Variants in LSAMP observed in about 807,000 individuals in gnomAD.
LSAMP encodes limbic system associated membrane protein, also known as limbic system-associated membrane protein.
Under a neutral mutation model 38.6 loss-of-function variants are expected in LSAMP, and 7 were observed. The ratio of observed to expected loss-of-function variants is 0.18; its 90% CI spans 0.10 to 0.34. The LOEUF is 0.34. Among genes scored for constraint, LSAMP ranks in the 10% least tolerant of loss-of-function variants. The pLI, the probability that LSAMP is intolerant of heterozygous loss-of-function variation, is 1.00. For missense variants in LSAMP, 313 were observed against 420.0 expected (o/e 0.75, Z 2.23); for synonymous variants, 154 against 166.8 (o/e 0.92, Z 0.59).
chr3:115,968,420 C>G (rs191227180), intron 3 of LSAMP, among the ~76,000 whole-genome samples: 7 of 152,078 alleles, frequency 4.6e-5, no homozygotes, highest in African/African-American at 7.2e-5. Context: ...ATAAATCCTG[C>G]TAGGACTGGG....
In LSAMP at chr3:116,273,689, T is replaced by G. The variant is rs921730678; in HGVS notation, c.155+171188A>C. 3.7e-4 allele frequency among the ~76,000 whole-genome samples: 45 copies of G among 121,458 alleles called. 9 individuals carry two copies. The highest frequency in any genetic ancestry group is 1.6e-3 in the African/African-American group (42 of 25,460). The allele number at this position is 121,458 out of a possible 152,430, so 79.7% of individuals were successfully genotyped here. ...CAAGAGAAAGAGAAAGAGGCATATA[T>G]ATATATATATATATATATACACACA... On this transcript the variant is annotated intron_variant, in intron 1 of 6. Coordinates refer to ENST00000490035, the MANE Select transcript of LSAMP (RefSeq NM_002338.5).
chr3:115,965,600 A>G (rs1009149094), intron 3 of LSAMP, among the ~76,000 whole-genome samples: 3 of 142,036 alleles, frequency 2.1e-5, no homozygotes, highest in Non-Finnish European at 4.5e-5. Context: ...AGATTTTTGT[A>G]TTTTAGGTTT....
intron 2 of LSAMP, chr3:116,051,300 G>C (rs1021342400): frequency 2.0e-5 from 3 of 152,176 alleles, no homozygotes; most frequent in African/African-American, 7.2e-5. Context: ...CAGGTTCCAT[G>C]TGACTCGTCA....
intron 1 of LSAMP, among the ~76,000 whole-genome samples, chr3:116,265,656 T>A (rs2046881788): frequency 6.6e-6 from 1 of 152,094 alleles, no homozygotes; most frequent in Non-Finnish European, 1.5e-5. Context: ...TGGTATATCA[T>A]CCTCCCCACC....
intron 1 of LSAMP, among the ~76,000 whole-genome samples, chr3:116,180,838 C>T (rs1167797657): frequency 2.6e-5 from 4 of 151,888 alleles, no homozygotes; most frequent in South Asian, 4.2e-4. Flanking sequence ...TTTTGCAGGC[C>T]GGTGCTGTGT....
intron 3 of LSAMP, among the ~76,000 whole-genome samples, chr3:115,878,797 TAACAAC>T (rs1225754774): frequency 6.6e-6 from 1 of 152,024 alleles, no homozygotes; most frequent in African/African-American, 2.4e-5. Context: ...GTAATAATAA[TAACAAC>T]AACAATGGTG....
chr3:115,984,767 T>TA (rs1559908491), intron 3 of LSAMP, among the ~76,000 whole-genome samples: 1 of 152,204 alleles, frequency 6.6e-6, no homozygotes, highest in East Asian at 1.9e-4. Flanking sequence ...TAAAGACTGT[T>TA]ACAGTAAAGT....
chr3:115,889,982 G>A (rs1359977189), intron 3 of LSAMP, among the ~76,000 whole-genome samples: 1 of 151,924 alleles, frequency 6.6e-6, no homozygotes, highest in Non-Finnish European at 1.5e-5. Flanking sequence ...TCTCCCATTT[G>A]TTATTGTTTG....
chr3:116,117,125 A>G (rs1708770743), intron 1 of LSAMP, among the ~76,000 whole-genome samples: 1 of 152,244 alleles, frequency 6.6e-6, no homozygotes, highest in African/African-American at 2.4e-5. Flanking sequence ...ACTTATATGG[A>G]CTATCACAGA....
chr3:116,175,535 G>A (rs1458623676), intron 1 of LSAMP, among the ~76,000 whole-genome samples: 2 of 151,940 alleles, frequency 1.3e-5, no homozygotes, highest in South Asian at 4.1e-4. Flanking sequence ...CCAGAGCAGT[G>A]CTGGGAAGCC....
At chr3:116,375,324 C>T (rs1434414187) in intron 1 of LSAMP, among the ~76,000 whole-genome samples, 1 of 151,836 alleles carries the variant, frequency 6.6e-6, no homozygotes, top group Admixed American at 6.6e-5. Flanking sequence ...TATTAAAAAA[C>T]AGGCAAACTA....
rs141195445 is a variant in LSAMP at position 115,913,968 on chromosome 3, A to C, written c.515-61351T>G. 2.0e-5 allele frequency among the ~76,000 whole-genome samples: 3 copies of C among 152,356 alleles called. No individual in the cohort carries two copies. In the East Asian group the frequency reaches 5.8e-4, roughly 29 times the overall value. On this transcript the variant is annotated intron_variant, in intron 3 of 6. Coordinates refer to ENST00000490035, the MANE Select transcript of LSAMP (RefSeq NM_002338.5). ...GAACTGTATTTTGTAAATCCAAAAG[A>C]ATAATTAAATCTTTAAAAAAATAAA...
intron 1 of LSAMP, among the ~76,000 whole-genome samples, chr3:116,396,152 A>G (rs1428127631): frequency 6.6e-6 from 1 of 152,180 alleles, no homozygotes; most frequent in East Asian, 1.9e-4. Flanking sequence ...TACCAGGCTG[A>G]TTTACTGAAA....
chr3:115,924,845 A>T (rs1002080842), intron 3 of LSAMP, among the ~76,000 whole-genome samples: 7 of 152,314 alleles, frequency 4.6e-5, no homozygotes, highest in Middle Eastern at 3.4e-3. Flanking sequence ...CTTCTCCCTT[A>T]GTACTACAGT....
chr3:116,077,789 C>G (rs989810098), intron 2 of LSAMP, among the ~76,000 whole-genome samples: 3 of 152,198 alleles, frequency 2.0e-5, no homozygotes, highest in African/African-American at 7.2e-5. Flanking sequence ...ATCTCCTTCA[C>G]TCTTGGGCAG....
intron 1 of LSAMP, among the ~76,000 whole-genome samples, chr3:116,409,743 A>T (rs1205142706): frequency 5.3e-5 from 8 of 152,124 alleles, no homozygotes; most frequent in Non-Finnish European, 1.2e-4. Flanking sequence ...TAGAAATATT[A>T]AACAGTGGGA....
intron 3 of LSAMP, among the ~76,000 whole-genome samples, chr3:115,892,871 T>G (rs533748314): frequency 1.3e-5 from 2 of 150,640 alleles, no homozygotes; most frequent in Admixed American, 1.3e-4. Context: ...TTAAACTGTG[T>G]GAAATGGCAT....
At chr3:116,019,701 T>C (rs1940585564) in intron 2 of LSAMP, 61 bp from the exon 3 acceptor site, 5 of 1,571,520 alleles carry the variant, frequency 3.2e-6, no homozygotes, top group Non-Finnish European at 3.5e-6. Context: ...CTTGTAGCCA[T>C]ACAACTGGAA....
At chr3:116,102,350 G>A (rs1252661400) in intron 1 of LSAMP, among the ~76,000 whole-genome samples, 1 of 152,142 alleles carries the variant, frequency 6.6e-6, no homozygotes, top group African/African-American at 2.4e-5. Flanking sequence ...ATCTGAATCT[G>A]CAATCTGAAT....
Sources: allele counts gnomAD v4.1 joint callset (sites outside exome capture counted in the v4.1 genomes callset), GRCh38; gene constraint gnomAD v4.1.1; transcripts MANE v1.5; gene names NCBI Gene and HGNC (gene_info 2026-07-23, HGNC 2026-07-21).